SHANK2: variants seen among roughly 807,000 people sequenced by gnomAD.
SHANK2 encodes the protein SH3 and multiple ankyrin repeat domains 2, also known as SH3 and multiple ankyrin repeat domains protein 2.
SHANK2 carries 43 observed loss-of-function variants against 133.7 expected under a neutral mutation model. The observed-to-expected ratio is 0.32, with a 90% confidence interval of 0.25 to 0.41. The LOEUF (loss-of-function observed/expected upper bound fraction) is 0.41. Ranked by LOEUF, SHANK2 falls within the 10% of genes least tolerant of loss-of-function variation. The pLI is 1.00. For missense variants in SHANK2, 1,994 were observed against 2,235.8 expected (o/e 0.89, Z 2.18); for synonymous variants, 1,017 against 952.8 (o/e 1.07, Z -1.24).
At chr11:70,904,154 C>T (rs561243024) in intron 10 of SHANK2, among the ~76,000 whole-genome samples, 1 of 152,270 alleles carries the variant, frequency 6.6e-6, no homozygotes, top group Non-Finnish European at 1.5e-5. Flanking sequence ...CAGAAACAAA[C>T]CACTCAAGTA....
At chr11:70,577,537 C>T (rs988614170) in intron 17 of SHANK2, among the ~76,000 whole-genome samples, 2 of 152,194 alleles carry the variant, frequency 1.3e-5, no homozygotes, top group South Asian at 4.1e-4. Context: ...CAGTGACCAC[C>T]CCCAGGCCCA....
rs782212038 is a variant in SHANK2 at position 70,769,315 on chromosome 11, G to A, written c.1777+29128C>T. Among the ~76,000 whole-genome samples the A allele has an allele frequency of 4.6e-5, 7 of 152,136 alleles. No individual in the cohort carries two copies. The South Asian group carries it at 6.2e-4, about 14-fold the overall frequency. On this transcript the variant is annotated intron_variant, in intron 14 of 25. Transcript: ENST00000601538. ...CGGTGCCCACTGCCCTCCTTTGCTC[G>A]CAGACATGTCCTCGTTTGGATGATA...
intron 10 of SHANK2, among the ~76,000 whole-genome samples, chr11:70,944,587 C>T (rs1053972344): frequency 1.9e-4 from 29 of 152,238 alleles, no homozygotes; most frequent in South Asian, 2.1e-4. Flanking sequence ...ATCCTCTATG[C>T]GCAACTTGAT....
chr11:70,494,062 A>G (rs1408731399), intron 21 of SHANK2, among the ~76,000 whole-genome samples: 2 of 152,182 alleles, frequency 1.3e-5, no homozygotes, highest in Non-Finnish European at 2.9e-5. Context: ...GGCTCCTGAC[A>G]AAGGCAGCCC....
Position 70,485,370 on chromosome 11 carries a change from C to T in SHANK2, c.4923G>A (p.Lys1641=), listed in dbSNP as rs782274557. 13 of 1,613,920 alleles carry T rather than the reference C, an allele frequency of 8.1e-6. No homozygotes were observed. The African/African-American group carries it at 1.7e-4, about 22-fold the overall frequency. ...LQQMNREKLA[K]PGEGLDSPMG... is the part of the protein sequence containing the mutation. ...TTGGTGAATCCAGTCCTTCCCCCGGCTTTGCCAATTTCTCTCGGTTCATTT... is the reference window on the plus strand; with the variant it reads ...TTGGTGAATCCAGTCCTTCCCCCGGTTTTGCCAATTTCTCTCGGTTCATTT... Residue 1641 remains lysine, a synonymous_variant, in exon 25 of 26, where the codon AAG becomes AAA. Coordinates refer to ENST00000601538, the MANE Select transcript of SHANK2 (RefSeq NM_012309.5). The surrounding 1 kb of genome is among the most constrained non-coding windows in gnomAD (Gnocchi z 5.8).
intron 14 of SHANK2, among the ~76,000 whole-genome samples, chr11:70,765,157 G>A (rs1261932832): frequency 6.6e-6 from 1 of 152,170 alleles, no homozygotes; most frequent in African/African-American, 2.4e-5. Flanking sequence ...GTTTCCTGGG[G>A]AAACATTATA....
intron 14 of SHANK2, among the ~76,000 whole-genome samples, chr11:70,746,150 G>A (rs1946632670): frequency 6.6e-6 from 1 of 152,242 alleles, no homozygotes; most frequent in South Asian, 2.1e-4. Context: ...ACACGGTCCA[G>A]GAGGCTGTGA....
At chr11:70,656,393 T>A (rs1555011613) in intron 17 of SHANK2, among the ~76,000 whole-genome samples, 1 of 152,062 alleles carries the variant, frequency 6.6e-6, no homozygotes, top group African/African-American at 2.4e-5. Context: ...AAGAAACACC[T>A]GCCCTGCTTC....
chr11:70,497,015 A>C (rs1187245755), intron 21 of SHANK2: 2 of 456,704 alleles, frequency 4.4e-6, no homozygotes, highest in Non-Finnish European at 8.8e-6. Context: ...ACCCCAAAAC[A>C]AATGTTCTTT....
chr11:71,061,466 A>G (rs1307273840), intron 9 of SHANK2, among the ~76,000 whole-genome samples: 2 of 152,226 alleles, frequency 1.3e-5, no homozygotes, highest in Non-Finnish European at 2.9e-5. Flanking sequence ...AACCAGCTTC[A>G]GCACTGAGAG....
intron 5 of SHANK2, 83 bp from the exon 6 acceptor site, chr11:71,110,132 A>G (rs1446536039): frequency 5.7e-6 from 6 of 1,043,670 alleles, no homozygotes; most frequent in Non-Finnish European, 8.6e-6. Flanking sequence ...CGTCTCTACA[A>G]AAAATAGAAA....
chr11:70,871,846 G>A (rs1472027173), intron 11 of SHANK2, among the ~76,000 whole-genome samples: 2 of 152,142 alleles, frequency 1.3e-5, no homozygotes, highest in East Asian at 1.9e-4. Flanking sequence ...TTCCATATAC[G>A]ATTTCTATTA....
chr11:70,685,798 T>C (rs1417707793), intron 15 of SHANK2, among the ~76,000 whole-genome samples: 1 of 152,146 alleles, frequency 6.6e-6, no homozygotes, highest in Non-Finnish European at 1.5e-5. Context: ...ACTGGGGCCA[T>C]GCTATCCTCT....
chr11:71,180,318 C>T (rs1953530317), intron 2 of SHANK2, among the ~76,000 whole-genome samples: 1 of 152,116 alleles, frequency 6.6e-6, no homozygotes, highest in Non-Finnish European at 1.5e-5. Flanking sequence ...TGCTGGCATT[C>T]TTTATCAAGA....
Position 71,147,278 on chromosome 11 carries a change from A to G in SHANK2, c.49T>C (p.Ser17Pro). 1 of 1,551,000 alleles carries G rather than the reference A, an allele frequency of 6.4e-7. No individual in the cohort carries two copies. The highest frequency in any genetic ancestry group is 8.7e-7 in the Non-Finnish European group (1 of 1,146,930). ...SSEDEMAQSF[S>P]DYSVGSESDS... The stretch of plus-strand genomic sequence containing the variant: ...GACTCCGACCCCACGGAGTAGTCGG[A>G]GAAGCTCTGGGCCATCTCGTCCTCG... The change falls in exon 3 of 26, where the codon TCC (serine) becomes CCC (proline). Residue 17 changes from serine to proline, a missense_variant. Physicochemically the swap from Ser to Pro is moderately conservative, Grantham distance 74. Coordinates refer to ENST00000601538, the MANE Select transcript of SHANK2 (RefSeq NM_012309.5).
At chr11:70,478,510 C>T (rs1340451703) in intron 25 of SHANK2, among the ~76,000 whole-genome samples, 4 of 152,240 alleles carry the variant, frequency 2.6e-5, no homozygotes, top group African/African-American at 9.6e-5. Context: ...TATTTCCAAA[C>T]TGCTTTCTTA....
intron 13 of SHANK2, among the ~76,000 whole-genome samples, chr11:70,806,049 G>C (rs1028178536): frequency 3.3e-5 from 5 of 152,244 alleles, no homozygotes; most frequent in South Asian, 2.1e-4. Flanking sequence ...TCAGTGTGTC[G>C]CGCAGAGAAA....
At chr11:71,075,539 G>A (rs1267173648) in intron 8 of SHANK2, among the ~76,000 whole-genome samples, 1 of 152,192 alleles carries the variant, frequency 6.6e-6, no homozygotes, top group Non-Finnish European at 1.5e-5. Context: ...CAGAGGGTCT[G>A]GGAAGGGGCC....
At chr11:70,630,119 C>T (rs910241367) in intron 17 of SHANK2, among the ~76,000 whole-genome samples, 2 of 152,336 alleles carry the variant, frequency 1.3e-5, no homozygotes, top group East Asian at 1.9e-4. Context: ...CTCAGCTTGC[C>T]CTATGCTAGA....
Sources: allele counts gnomAD v4.1 joint callset (sites outside exome capture counted in the v4.1 genomes callset), GRCh38; gene constraint gnomAD v4.1.1; non-coding constraint Gnocchi (gnomAD v3.1); transcripts MANE v1.5; gene names NCBI Gene and HGNC (gene_info 2026-07-23, HGNC 2026-07-21).